Variants in CCDC170 observed in about 807,000 individuals in gnomAD.
The protein encoded by CCDC170 is coiled-coil domain containing 170, also known as coiled-coil domain-containing protein 170.
A neutral mutation model predicts 72.6 loss-of-function variants in CCDC170; 69 were observed. That is an observed-to-expected ratio of 0.95 (90% CI 0.78 to 1.16). CCDC170 has a LOEUF of 1.16. Among genes scored for constraint, CCDC170 ranks in the 50% most tolerant of loss-of-function variants. CCDC170 has a pLI of 0.00. For missense variants in CCDC170, 852 were observed against 832.5 expected, an observed-to-expected ratio of 1.02 and a Z score of -0.29; for synonymous variants, 300 against 303.9, an observed-to-expected ratio of 0.99 and a Z score of 0.13.
Position 151,494,142 on chromosome 6 carries a change from G to A in CCDC170, c.14G>A (p.Cys5Tyr). 1 of 1,514,498 alleles carries A rather than the reference G, an allele frequency of 6.6e-7. No individual in the cohort carries two copies. The highest frequency in any genetic ancestry group is 1.2e-5 in the South Asian group (1 of 81,046). The allele number at this position is 1,514,498 out of a possible 1,614,324, so 93.8% of individuals were successfully genotyped here. A position where few individuals can be genotyped will look rare whatever the true frequency, so the allele number is the denominator to read the frequency against. ...GCTCGGGTCGTCATGAGCCTGGACT[G>A]CACCAGCCATATCGCGCTGGGTGCC... The part of the protein sequence containing the change: MSLD[C>Y]TSHIALGAAS... The change falls in exon 1 of 11, where the codon TGC becomes TAC. Residue 5 changes from cysteine (C) to tyrosine (Y), a missense_variant. By Grantham distance (194) the Cys-to-Tyr change is radical. Transcript: ENST00000239374.
intron 6 of CCDC170, among the ~76,000 whole-genome samples, chr6:151,579,864 A>G (rs1450190258): frequency 6.6e-6 from 1 of 152,224 alleles, no homozygotes; most frequent in African/African-American, 2.4e-5. Flanking sequence ...ACTGTAAATT[A>G]TCTAAATCAG....
rs61730720 is a variant in CCDC170, at chr6:151,494,155, C to T, written c.27C>T (p.Ile9=). The change falls in exon 1 of 11, where the codon ATC becomes ATT. Residue 9 remains isoleucine, a synonymous_variant. Coordinates refer to ENST00000239374, the MANE Select transcript of CCDC170 (RefSeq NM_025059.4). Reference sequence around the variant, plus strand: ...TGAGCCTGGACTGCACCAGCCATATCGCGCTGGGTGCCGCTTCGCCAGCGC... The same window carrying T: ...TGAGCCTGGACTGCACCAGCCATATTGCGCTGGGTGCCGCTTCGCCAGCGC... The part of the protein sequence containing the change: MSLDCTSH[I]ALGAASPAPE... The T allele has an allele frequency of 2.5e-4, 383 of 1,527,304 alleles. No individual in the cohort carries two copies. In the African/African-American group the frequency reaches 3.2e-3, roughly 13 times the overall value. 94.6% of individuals were successfully genotyped at this position (1,527,304 alleles called of 1,614,324 possible).
intron 5 of CCDC170, among the ~76,000 whole-genome samples, chr6:151,555,846 A>T (rs1353058228): frequency 6.6e-6 from 1 of 152,188 alleles, no homozygotes; most frequent in Non-Finnish European, 1.5e-5. Flanking sequence ...AACTTTTCTT[A>T]CTTGAACCCT....
intron 3 of CCDC170, among the ~76,000 whole-genome samples, chr6:151,539,621 G>A (rs1218398737): frequency 2.0e-5 from 3 of 152,112 alleles, no homozygotes; most frequent in Non-Finnish European, 4.4e-5. Context: ...TTACTCTCTT[G>A]GTGATATCAT....
At chr6:151,524,556 T>A (rs1782373067) in intron 1 of CCDC170, among the ~76,000 whole-genome samples, 1 of 152,234 alleles carries the variant, frequency 6.6e-6, no homozygotes, top group Non-Finnish European at 1.5e-5. Flanking sequence ...CTTCCAGTTG[T>A]CTTTTACTTA....
At chr6:151,584,306 CTTTAT>C (rs1324852758) in intron 6 of CCDC170, among the ~76,000 whole-genome samples, 4 of 152,112 alleles carry the variant, frequency 2.6e-5, no homozygotes, top group African/African-American at 7.2e-5. Flanking sequence ...TCCCTTTCTT[CTTTAT>C]TTTGATTATT....
At chr6:151,532,610 A>G (rs9383919) in intron 1 of CCDC170, among the ~76,000 whole-genome samples, 26 of 126,778 alleles carry the variant, frequency 2.1e-4, no homozygotes, top group South Asian at 1.1e-3. Flanking sequence ...GTCTCAAAAG[A>G]AAAAAAAAAA....
At chr6:151,537,545 TC>T (rs1360922852) in intron 2 of CCDC170, among the ~76,000 whole-genome samples, 2 of 152,212 alleles carry the variant, frequency 1.3e-5, no homozygotes, top group African/African-American at 4.8e-5. Context: ...ATGTTTTTTT[TC>T]CCAGAAATTT....
intron 9 of CCDC170, among the ~76,000 whole-genome samples, chr6:151,609,672 C>A (rs1444780564): frequency 6.6e-6 from 1 of 152,146 alleles, no homozygotes; most frequent in African/African-American, 2.4e-5. Context: ...GAACTCTGAG[C>A]TGGGTCTGAG....
intron 1 of CCDC170, among the ~76,000 whole-genome samples, chr6:151,507,082 C>T (rs1183592863): frequency 6.6e-6 from 1 of 152,064 alleles, no homozygotes; most frequent in Non-Finnish European, 1.5e-5. Context: ...CACTGTGAGT[C>T]CTTCCATGCT....
chr6:151,505,962 A>T (rs1227545312), intron 1 of CCDC170, among the ~76,000 whole-genome samples: 1 of 151,852 alleles, frequency 6.6e-6, no homozygotes, highest in African/African-American at 2.4e-5. Context: ...AACAGCGGGC[A>T]TGGTGGTGTG....
At chr6:151,577,470 G>A (rs1237109716) in intron 6 of CCDC170, among the ~76,000 whole-genome samples, 1 of 152,218 alleles carries the variant, frequency 6.6e-6, no homozygotes, top group Non-Finnish European at 1.5e-5. Flanking sequence ...ATGACAGAAA[G>A]TTACGACATT....
intron 5 of CCDC170, among the ~76,000 whole-genome samples, chr6:151,560,573 C>A (rs1296204741): frequency 3.3e-5 from 5 of 152,062 alleles, no homozygotes; most frequent in Admixed American, 2.6e-4. Context: ...CAAAGTTTCC[C>A]ATGATTATTG....
At chr6:151,589,190 G>T (rs546501751) in intron 7 of CCDC170, among the ~76,000 whole-genome samples, 1 of 152,124 alleles carries the variant, frequency 6.6e-6, no homozygotes, top group Non-Finnish European at 1.5e-5. Flanking sequence ...GAGAGGCAGA[G>T]GTTGCAGTGA....
chr6:151,612,714 A>G (rs77113984), intron 9 of CCDC170, among the ~76,000 whole-genome samples: 2,530 of 152,296 alleles, frequency 0.017, 33 homozygotes, highest in East Asian at 0.025. Context: ...TTAGATAAAA[A>G]TAGATGCATC....
Position 151,596,349 on chromosome 6 carries a change from A to G in CCDC170, c.1482A>G (p.Lys494=), listed in dbSNP as rs1359659642. 7 of 1,612,582 alleles carry G rather than the reference A, an allele frequency of 4.3e-6. No individual in the cohort carries two copies. Among genetic ancestry groups the G allele is most frequent in the Admixed American group, 1.7e-5 (1 of 59,730 alleles). The part of the protein sequence containing the change: ...HNLQRKLKTQ[K]ERLESKELHM... ...CATCAAACCAGCTAAAGACACAGAA[A>G]GAGAGACTGGAGAGCAAAGAATTAC... Residue 494 remains lysine, a synonymous_variant, in exon 9 of 11, where the codon AAA becomes AAG. Transcript: ENST00000239374.
At chr6:151,538,629 G>A (rs1583016190) in intron 3 of CCDC170, among the ~76,000 whole-genome samples, 2 of 152,146 alleles carry the variant, frequency 1.3e-5, no homozygotes, top group Non-Finnish European at 2.9e-5. Context: ...AGTACACAGA[G>A]GTAGGTATTT....
chr6:151,520,820 A>T (rs1440322642), intron 1 of CCDC170, among the ~76,000 whole-genome samples: 2 of 152,188 alleles, frequency 1.3e-5, no homozygotes, highest in Non-Finnish European at 2.9e-5. Context: ...TTACTTAACC[A>T]GTCAACATTC....
intron 9 of CCDC170, among the ~76,000 whole-genome samples, chr6:151,604,163 TCTAA>T (rs1369676796): frequency 6.6e-6 from 1 of 152,198 alleles, no homozygotes; most frequent in Non-Finnish European, 1.5e-5. Flanking sequence ...TCTCCCACTT[TCTAA>T]CTCTCTTTAT....
Sources: allele counts gnomAD v4.1 joint callset (sites outside exome capture counted in the v4.1 genomes callset), GRCh38; gene constraint gnomAD v4.1.1; transcripts MANE v1.5; gene names NCBI Gene and HGNC (gene_info 2026-07-23, HGNC 2026-07-21).